The following THTPA variants were observed in gnomAD, a reference collection of about 807,000 sequenced individuals.
THTPA encodes the protein thiamine-triphosphatase.
A neutral mutation model predicts 16.5 loss-of-function variants in THTPA; 16 were observed. The ratio of observed to expected loss-of-function variants is 0.97; its 90% CI spans 0.66 to 1.47. THTPA has a LOEUF of 1.47. Ranked by LOEUF, THTPA falls within the 40% of genes most tolerant of loss-of-function variation. The pLI is 0.00. For missense variants in THTPA, 281 were observed against 280.9 expected, an observed-to-expected ratio of 1.00 and a Z score of 0.00; for synonymous variants, 110 against 115.5, an observed-to-expected ratio of 0.95 and a Z score of 0.30.
chr14:23,527,173 TC>T, the THTPA span, among the ~76,000 whole-genome samples: 1 of 152,152 alleles, frequency 6.6e-6, no homozygotes, highest in Non-Finnish European at 1.5e-5. Flanking sequence ...CTATCTGGCT[TC>T]CTCTTTCCCC....
the THTPA span, among the ~76,000 whole-genome samples, chr14:23,518,725 A>G: frequency 6.6e-6 from 1 of 152,302 alleles, no homozygotes; most frequent in East Asian, 1.9e-4. This position sits in a 1 kb window ranked among gnomAD's most constrained non-coding sequence, Gnocchi z 4.5. Context: ...GAGGTACTGT[A>G]AAATAGGTGT....
rs777687445 is a variant in THTPA at position 23,558,797 on chromosome 14, A to G, written c.650A>G (p.Glu217Gly). The G allele has an allele frequency of 1.6e-5, 26 of 1,614,186 alleles. No individual in the cohort carries two copies. Among genetic ancestry groups the G allele is most frequent in the Non-Finnish European group, 1.8e-5 (21 of 1,180,032 alleles). Residue 217 changes from glutamate to glycine, a missense_variant, in exon 2 of 2, where the codon GAG becomes GGG. By Grantham distance (98) the Glu-to-Gly change is moderately conservative. Coordinates refer to ENST00000288014, the MANE Select transcript of THTPA (RefSeq NM_024328.6). The part of the protein sequence containing the change: ...QRLLEVNSSR[E>G]RPQETEDPDH... Reference sequence around the variant, plus strand: ...CTGCTAGAAGTGAACAGCTCCAGAGAGAGGCCACAGGAGACTGAAGATCCT... The same window carrying G: ...CTGCTAGAAGTGAACAGCTCCAGAGGGAGGCCACAGGAGACTGAAGATCCT...
the THTPA span, chr14:23,532,474 C>T: frequency 5.8e-6 from 8 of 1,374,582 alleles, no homozygotes; most frequent in Non-Finnish European, 6.6e-6. Context: ...ATTTGTCACC[C>T]AGGGTTTTCC....
the THTPA span, chr14:23,521,870 T>C: frequency 1.3e-6 from 2 of 1,497,006 alleles, no homozygotes; most frequent in Non-Finnish European, 1.8e-6. Flanking sequence ...GGCCAGGGGG[T>C]GGGGTGAGGG....
Position 23,556,444 on chromosome 14 carries a change from G to T in THTPA, c.-314G>T. ...CCTGGGGTGGCAAGGTGTAGAGAGG[G>T]GGGCGTTGAAAGGACACCCGCTACC... On this transcript the variant is annotated 5_prime_UTR_variant, in exon 1 of 2. Coordinates refer to ENST00000288014, the MANE Select transcript of THTPA (RefSeq NM_024328.6). The T allele has an allele frequency of 8.3e-5, 30 of 361,100 alleles. No individual in the cohort carries two copies. Among genetic ancestry groups the T allele is most frequent in the South Asian group, 3.8e-4 (10 of 26,530 alleles). The allele number at this position is 361,100 out of a possible 1,614,324, so 22.4% of individuals were successfully genotyped here.
Position 23,560,244 on chromosome 14 carries a change from T to A in THTPA, c.*1404T>A. 6.2e-7 allele frequency: 1 copy of A among 1,612,922 alleles called. No homozygotes were observed. Among genetic ancestry groups the A allele is most frequent in the South Asian group, 1.1e-5 (1 of 91,016 alleles). The stretch of plus-strand genomic sequence containing the variant: ...TCCCCAGGCCACCTCTGAACTCTGA[T>A]CTTTACAAACCTTGGGCACAGCAGC... On this transcript the variant is annotated 3_prime_UTR_variant, in exon 2 of 2. Transcript: ENST00000288014.
the THTPA span, chr14:23,512,812 G>A: frequency 6.6e-6 from 1 of 151,132 alleles, no homozygotes; most frequent in African/African-American, 2.4e-5. Context: ...GGGCGAAGGC[G>A]AGTGAAAGAA....
the THTPA span, chr14:23,530,096 G>A: frequency 6.5e-7 from 1 of 1,527,812 alleles, no homozygotes; most frequent in African/African-American, 1.4e-5. Context: ...TAGGAGGACT[G>A]GGGGGAAGGG....
upstream of THTPA, chr14:23,551,498 T>C (rs1358381049): frequency 6.7e-6 from 1 of 149,396 alleles, no homozygotes; most frequent in African/African-American, 2.5e-5. This position sits in a 1 kb window ranked among gnomAD's most constrained non-coding sequence, Gnocchi z 5.3. Flanking sequence ...CTCCGGGGCG[T>C]CAGGGACGGA....
At chr14:23,536,558 T>C in the THTPA span, among the ~76,000 whole-genome samples, 2 of 152,210 alleles carry the variant, frequency 1.3e-5, no homozygotes, top group Non-Finnish European at 2.9e-5. Context: ...GTAATAATAT[T>C]ACTAATAGTT....
chr14:23,542,371 C>T, the THTPA span: 10 of 151,546 alleles, frequency 6.6e-5, no homozygotes, highest in African/African-American at 1.7e-4. Flanking sequence ...AAACCACACA[C>T]GTTCACATTT....
chr14:23,532,844 T>C, the THTPA span: 1 of 1,536,434 alleles, frequency 6.5e-7, no homozygotes, highest in Non-Finnish European at 8.7e-7. Context: ...GCAGCAAAGC[T>C]TGCAGCGGTG....
At chr14:23,538,366 C>T in the THTPA span, among the ~76,000 whole-genome samples, 1 of 152,006 alleles carries the variant, frequency 6.6e-6, no homozygotes, top group Non-Finnish European at 1.5e-5. Context: ...CTCCCATCAC[C>T]CACTATTTAT....
At chr14:23,552,703 G>A (rs1882067637), upstream of THTPA, among the ~76,000 whole-genome samples, 1 of 152,082 alleles carries the variant, frequency 6.6e-6, no homozygotes, top group African/African-American at 2.4e-5. Flanking sequence ...CCAGGTTCAA[G>A]TGATTCTCCT....
chr14:23,522,643 C>T, the THTPA span: 1 of 1,535,996 alleles, frequency 6.5e-7, no homozygotes, highest in Non-Finnish European at 8.7e-7. Context: ...ATGGAAAGGG[C>T]AGGAACTGGC....
At chr14:23,526,124 T>G in the THTPA span, 1 of 1,536,464 alleles carries the variant, frequency 6.5e-7, no homozygotes, top group Non-Finnish European at 8.7e-7. Context: ...AGAGCGAGTC[T>G]GATGCAGAAC....
At chr14:23,549,142 C>T in the THTPA span, among the ~76,000 whole-genome samples, 2 of 152,132 alleles carry the variant, frequency 1.3e-5, no homozygotes, top group Admixed American at 6.6e-5. Context: ...TATCATTTCT[C>T]TTCCTTTTAC....
the THTPA span, among the ~76,000 whole-genome samples, chr14:23,529,204 T>G: frequency 6.6e-5 from 10 of 152,324 alleles, no homozygotes; most frequent in Middle Eastern, 3.4e-3. Context: ...GTCTGAGTCC[T>G]GGGGATTTAG....
At chr14:23,533,894 C>G in the THTPA span, 3 of 1,538,074 alleles carry the variant, frequency 2.0e-6, no homozygotes, top group South Asian at 2.4e-5. The surrounding 1 kb of genome is among the most constrained non-coding windows in gnomAD (Gnocchi z 4.8). Context: ...CTGTTGCTCT[C>G]AGGGTGCTTC....
Sources: allele counts gnomAD v4.1 joint callset (sites outside exome capture counted in the v4.1 genomes callset), GRCh38; gene constraint gnomAD v4.1.1; non-coding constraint Gnocchi (gnomAD v3.1); transcripts MANE v1.5; gene names NCBI Gene and HGNC (gene_info 2026-07-23, HGNC 2026-07-21).